Variants in CA13 observed in about 807,000 individuals in gnomAD.
CA13 encodes the protein carbonic anhydrase 13, also known as CA-XIII.
CA13 carries 21 observed loss-of-function variants against 31.5 expected under a neutral mutation model. The observed-to-expected ratio is 0.67, with a 90% confidence interval of 0.47 to 0.96. The LOEUF (loss-of-function observed/expected upper bound fraction) is 0.96, where lower values mean the gene tolerates loss of function less well. Among genes scored for constraint, CA13 ranks in the 40% least tolerant of loss-of-function variants. The pLI, the probability that CA13 is intolerant of heterozygous loss-of-function variation, is 0.00. For missense variants in CA13, 315 were observed against 318.9 expected (o/e 0.99, Z 0.09); for synonymous variants, 117 against 111.4 (o/e 1.05, Z -0.32).
chr8:85,245,796 C>T lies in CA13; in HGVS notation c.-33C>T, dbSNP rs900930109. ...TCCCTCCTCTTTCTCGCTGCTCAGT[C>T]ACATCTTTCTCTTCCTTCCACCCCG... is the stretch of plus-strand genomic sequence containing the variant. On this transcript the variant is annotated 5_prime_UTR_variant, in exon 1 of 7. Coordinates refer to ENST00000321764, the MANE Select transcript of CA13 (RefSeq NM_198584.3). 3.1e-6 allele frequency: 5 copies of T among 1,613,070 alleles called. No individual in the cohort carries two copies. The highest frequency in any genetic ancestry group is 4.2e-6 in the Non-Finnish European group (5 of 1,179,132).
intron 3 of CA13, among the ~76,000 whole-genome samples, chr8:85,264,436 T>C (rs1023794755): frequency 7.9e-5 from 12 of 152,054 alleles, no homozygotes; most frequent in Admixed American, 6.6e-4. Flanking sequence ...GAAATGTGAG[T>C]TTGCTTTTTT....
At chr8:85,250,049 T>C (rs772895767) in intron 1 of CA13, among the ~76,000 whole-genome samples, 1 of 152,216 alleles carries the variant, frequency 6.6e-6, no homozygotes, top group Non-Finnish European at 1.5e-5. Context: ...AAAATAACCA[T>C]AGAAGAACCT....
intron 6 of CA13, among the ~76,000 whole-genome samples, chr8:85,274,981 C>G (rs756189426): frequency 2.0e-5 from 3 of 152,140 alleles, no homozygotes; most frequent in Admixed American, 6.6e-5. Flanking sequence ...AAGCAAGTAC[C>G]TTGCCAGGGA....
chr8:85,253,007 A>G (rs1807220374), intron 2 of CA13, among the ~76,000 whole-genome samples: 1 of 150,642 alleles, frequency 6.6e-6, no homozygotes, highest in South Asian at 2.1e-4. Flanking sequence ...GTGCAATGGC[A>G]CAGTCTCGGC....
chr8:85,265,625 A>C (rs1807445507), intron 3 of CA13, among the ~76,000 whole-genome samples: 1 of 151,624 alleles, frequency 6.6e-6, no homozygotes, highest in South Asian at 2.1e-4. Flanking sequence ...CCCCCATTGA[A>C]ACTTGCTCTC....
At chr8:85,274,840 C>T (rs1807579279) in intron 6 of CA13, among the ~76,000 whole-genome samples, 1 of 152,226 alleles carries the variant, frequency 6.6e-6, no homozygotes, top group Non-Finnish European at 1.5e-5. Context: ...CACTCGTCCT[C>T]TTGCCATCTT....
chr8:85,259,621 C>A, intron 3 of CA13, 82 bp downstream of exon 3: 2 of 1,081,998 alleles, frequency 1.8e-6, no homozygotes, highest in Non-Finnish European at 2.8e-6. Context: ...TTACTGATTC[C>A]AAATAGATCC....
At chr8:85,247,292 C>T (rs1381615659) in intron 1 of CA13, among the ~76,000 whole-genome samples, 1 of 151,982 alleles carries the variant, frequency 6.6e-6, no homozygotes, top group African/African-American at 2.4e-5. Flanking sequence ...TTCAATCAAT[C>T]AATCAATGGA....
At chr8:85,258,425 G>A (rs1486311074) in intron 2 of CA13, among the ~76,000 whole-genome samples, 1 of 151,950 alleles carries the variant, frequency 6.6e-6, no homozygotes, top group Non-Finnish European at 1.5e-5. Context: ...AATTATTTTT[G>A]TCCTATATTT....
Position 85,281,500 on chromosome 8 carries a change from A to ATC in CA13, c.*161_*162dup, listed in dbSNP as rs1316979428. 1.8e-5 allele frequency: 25 copies of ATC among 1,377,970 alleles called. No individual in the cohort carries two copies. Among genetic ancestry groups the ATC allele is most frequent in the African/African-American group, 7.3e-5 (5 of 68,104 alleles). 85.4% of individuals were successfully genotyped at this position (1,377,970 alleles called of 1,614,324 possible). A position where few individuals can be genotyped will look rare whatever the true frequency, so the allele number is the denominator to read the frequency against. ...GCTTCAGTGTCACAAAGAAAACCAG[A>ATC]TCTCTCTCTCTTTTTTTTTTATTTT... On this transcript the variant is annotated 3_prime_UTR_variant, in exon 7 of 7. Coordinates refer to ENST00000321764, the MANE Select transcript of CA13 (RefSeq NM_198584.3).
At chr8:85,268,918 T>A (rs1223648053) in intron 6 of CA13, among the ~76,000 whole-genome samples, 1 of 152,200 alleles carries the variant, frequency 6.6e-6, no homozygotes, top group Non-Finnish European at 1.5e-5. Context: ...TTGTTTGATA[T>A]GGGGATATAA....
chr8:85,278,464 G>C (rs900160827), intron 6 of CA13, among the ~76,000 whole-genome samples: 2 of 152,154 alleles, frequency 1.3e-5, no homozygotes, highest in Non-Finnish European at 2.9e-5. Context: ...ATCTAGGAAG[G>C]TTAGTTAGAA....
chr8:85,266,669 C>G lies in CA13; in HGVS notation c.416C>G (p.Pro139Arg). ...YPSFVEAAHE[P>R]DGLAVLGVFL... ...AGCTTTGTTGAGGCAGCTCATGAAC[C>G]AGATGGACTGGCTGTCTTGGGAGTG... The change falls in exon 4 of 7, where the codon CCA (proline) becomes CGA (arginine). Residue 139 changes from proline (P) to arginine (R), a missense_variant. Pro to Arg is a moderately radical substitution (Grantham distance 103, BLOSUM62 -2). Coordinates refer to ENST00000321764, the MANE Select transcript of CA13 (RefSeq NM_198584.3). The G allele has an allele frequency of 6.2e-7, 1 of 1,613,890 alleles. No homozygotes were observed. The highest frequency in any genetic ancestry group is 8.5e-7 in the Non-Finnish European group (1 of 1,179,850).
intron 4 of CA13, 82 bp from the exon 5 acceptor site, chr8:85,267,820 A>T: frequency 2.5e-6 from 2 of 804,398 alleles, no homozygotes; most frequent in Non-Finnish European, 4.0e-6. Flanking sequence ...TTAAAAAATA[A>T]TTTTTAAATA....
intron 2 of CA13, among the ~76,000 whole-genome samples, chr8:85,256,031 T>G (rs1423733142): frequency 3.2e-5 from 4 of 123,246 alleles, no homozygotes; most frequent in Non-Finnish European, 5.1e-5. Flanking sequence ...GTGTTTAAGT[T>G]ACAAAAAAAA....
At chr8:85,261,464 T>A (rs1436394694) in intron 3 of CA13, among the ~76,000 whole-genome samples, 2 of 152,200 alleles carry the variant, frequency 1.3e-5, no homozygotes, top group Non-Finnish European at 2.9e-5. Context: ...TTTGCTCTTG[T>A]TGCCCAGGCT....
At chr8:85,251,437 AGAGT>A (rs1813827310) in intron 2 of CA13, among the ~76,000 whole-genome samples, 1 of 152,234 alleles carries the variant, frequency 6.6e-6, no homozygotes, top group Non-Finnish European at 1.5e-5. Context: ...AAAATAATAA[AGAGT>A]ATTTGGAAAA....
At chr8:85,271,661 G>C (rs570476698) in intron 6 of CA13, among the ~76,000 whole-genome samples, 35 of 152,052 alleles carry the variant, frequency 2.3e-4, no homozygotes, top group Non-Finnish European at 3.5e-4. Flanking sequence ...TCCTTTTAAA[G>C]AAAAAAACTC....
At chr8:85,264,055 A>G (rs1587540321) in intron 3 of CA13, among the ~76,000 whole-genome samples, 2 of 152,240 alleles carry the variant, frequency 1.3e-5, no homozygotes, top group South Asian at 4.1e-4. Context: ...ATGGTTTATA[A>G]TATTACAGAG....
Sources: allele counts gnomAD v4.1 joint callset (sites outside exome capture counted in the v4.1 genomes callset), GRCh38; gene constraint gnomAD v4.1.1; transcripts MANE v1.5; gene names NCBI Gene and HGNC (gene_info 2026-07-23, HGNC 2026-07-21).